Variants in CLSTN2 observed in about 807,000 individuals in gnomAD.
The protein encoded by CLSTN2 is calsyntenin 2.
Under a neutral mutation model 101.2 loss-of-function variants are expected in CLSTN2, and 48 were observed. The ratio of observed to expected loss-of-function variants is 0.47; its 90% CI spans 0.38 to 0.60. CLSTN2 has a LOEUF of 0.60. CLSTN2 is among the 20% of genes least tolerant of loss of function. The probability of loss-of-function intolerance (pLI) is 0.00; values close to 1 mark genes in which losing one functional copy is unlikely to be tolerated. For missense variants in CLSTN2, 1,160 were observed against 1,238.2 expected (o/e 0.94, Z 0.95); for synonymous variants, 481 against 463.6 (o/e 1.04, Z -0.48).
chr3:140,297,263 T>C (rs1576504248), intron 2 of CLSTN2, among the ~76,000 whole-genome samples: 1 of 152,192 alleles, frequency 6.6e-6, no homozygotes, highest in African/African-American at 2.4e-5. Flanking sequence ...TGCACAGATA[T>C]CACACAGCCA....
intron 2 of CLSTN2, among the ~76,000 whole-genome samples, chr3:140,193,260 A>C (rs1215631197): frequency 2.2e-5 from 2 of 89,236 alleles, no homozygotes; most frequent in African/African-American, 9.3e-5. Context: ...CCTTTTTTAT[A>C]GTTTTTTTTT....
intron 1 of CLSTN2, among the ~76,000 whole-genome samples, chr3:139,963,332 TTCTC>T (rs143966161): frequency 1.3e-5 from 2 of 151,736 alleles, no homozygotes; most frequent in East Asian, 1.9e-4. Context: ...TTCAGCTTTT[TTCTC>T]TCTCTCTCTC....
At chr3:140,143,479 G>A (rs1246039107) in intron 1 of CLSTN2, among the ~76,000 whole-genome samples, 4 of 152,178 alleles carry the variant, frequency 2.6e-5, no homozygotes, top group African/African-American at 9.7e-5. Flanking sequence ...ACATTGTTGA[G>A]AGCAGATTTT....
At chr3:139,954,983 T>G (rs1425805787) in intron 1 of CLSTN2, among the ~76,000 whole-genome samples, 2 of 151,520 alleles carry the variant, frequency 1.3e-5, no homozygotes, top group Admixed American at 1.3e-4. Context: ...TCTTTTACTT[T>G]TTTGACAGCC....
chr3:140,341,402 A>G (rs892203374), intron 2 of CLSTN2, among the ~76,000 whole-genome samples: 3 of 152,152 alleles, frequency 2.0e-5, no homozygotes, highest in Admixed American at 6.5e-5. Context: ...CAGAGGGTGT[A>G]TCCGGCAGAG....
intron 1 of CLSTN2, among the ~76,000 whole-genome samples, chr3:140,152,167 A>G (rs1187038113): frequency 6.6e-6 from 1 of 152,202 alleles, no homozygotes; most frequent in Non-Finnish European, 1.5e-5. Flanking sequence ...TCATACACTA[A>G]TAAATTACAA....
intron 8 of CLSTN2, among the ~76,000 whole-genome samples, chr3:140,497,111 A>G (rs565474270): frequency 6.6e-6 from 1 of 152,036 alleles, no homozygotes; most frequent in East Asian, 1.9e-4. Context: ...AAAAAAAAAA[A>G]AAAAAAAGCA....
intron 2 of CLSTN2, among the ~76,000 whole-genome samples, chr3:140,254,724 C>A (rs1306023761): frequency 6.6e-6 from 1 of 152,054 alleles, no homozygotes; most frequent in Non-Finnish European, 1.5e-5. Flanking sequence ...ACTGTACAAA[C>A]CCTAGAAGAA....
At chr3:140,035,873 G>A (rs1026119568) in intron 1 of CLSTN2, among the ~76,000 whole-genome samples, 1 of 152,128 alleles carries the variant, frequency 6.6e-6, no homozygotes, top group Non-Finnish European at 1.5e-5. Flanking sequence ...TTTTGTCCTT[G>A]AAAAGTGCTA....
intron 8 of CLSTN2, among the ~76,000 whole-genome samples, chr3:140,485,799 T>C (rs946800971): frequency 1.3e-5 from 2 of 152,060 alleles, no homozygotes; most frequent in South Asian, 2.1e-4. Flanking sequence ...GCTAAGACCA[T>C]TGGAAAAGCA....
At chr3:140,275,277 G>T (rs200225805) in intron 2 of CLSTN2, among the ~76,000 whole-genome samples, 1 of 147,898 alleles carries the variant, frequency 6.8e-6, no homozygotes, top group Non-Finnish European at 1.5e-5. Flanking sequence ...CTTGGGAGGA[G>T]TTTTTTTTTT....
intron 1 of CLSTN2, among the ~76,000 whole-genome samples, chr3:140,085,782 G>A (rs1033371054): frequency 6.6e-6 from 1 of 152,166 alleles, no homozygotes; most frequent in Non-Finnish European, 1.5e-5. Flanking sequence ...ACTTGCCTCT[G>A]CAGACTCCTG....
intron 5 of CLSTN2, among the ~76,000 whole-genome samples, chr3:140,440,757 T>C (rs1227241858): frequency 6.6e-6 from 1 of 152,342 alleles, no homozygotes; most frequent in African/African-American, 2.4e-5. Flanking sequence ...CTCTGTGGAC[T>C]CCTTTGGGGC....
At chr3:140,320,997 T>C (rs1453056545) in intron 2 of CLSTN2, among the ~76,000 whole-genome samples, 1 of 152,168 alleles carries the variant, frequency 6.6e-6, no homozygotes, top group Non-Finnish European at 1.5e-5. Context: ...CACCCAGTGG[T>C]ACCATACAAA....
chr3:140,176,059 C>G lies in CLSTN2; in HGVS notation c.218C>G (p.Pro73Arg), dbSNP rs749946898. ...CTGGTAGCCCTGGATAAAGATGCAC[C>G]GGTTCCTTTTGCAGGTGAGATTATG... ...PPLVALDKDA[P>R]VPFAGEICAF... Residue 73 changes from proline (P) to arginine (R), a missense_variant, in exon 2 of 17, where the codon CCG becomes CGG. By Grantham distance (103) the Pro-to-Arg change is moderately radical. Coordinates refer to ENST00000458420, the MANE Select transcript of CLSTN2 (RefSeq NM_022131.3). 3.1e-6 allele frequency: 5 copies of G among 1,613,714 alleles called. No individual in the cohort carries two copies. Among genetic ancestry groups the G allele is most frequent in the Non-Finnish European group, 4.2e-6 (5 of 1,179,826 alleles).
intron 1 of CLSTN2, among the ~76,000 whole-genome samples, chr3:139,978,572 A>T (rs865832725): frequency 6.6e-6 from 1 of 151,960 alleles, no homozygotes. Context: ...TATAGTCATC[A>T]TTGTGTAAAC....
chr3:140,095,007 T>C (rs752872890), intron 1 of CLSTN2, among the ~76,000 whole-genome samples: 3 of 152,190 alleles, frequency 2.0e-5, no homozygotes, highest in Non-Finnish European at 4.4e-5. Flanking sequence ...CCAAGACTGA[T>C]TATAGAACTT....
chr3:140,466,705 G>C lies in CLSTN2; in HGVS notation c.1318G>C (p.Ala440Pro). ...CGACCAGGCTGACACCTTTCGCCCC[G>C]CGGAGTTCCACTGGAAGCTGGATCA... ...DFDQADTFRP[A>P]EFHWKLDQIC... Residue 440 changes from alanine to proline, a missense_variant, in exon 8 of 17, where the codon GCG (alanine) becomes CCG (proline). Physicochemically the swap from Ala to Pro is conservative, Grantham distance 27. Transcript: ENST00000458420. The C allele has an allele frequency of 6.2e-7, 1 of 1,614,044 alleles. No individual in the cohort carries two copies. The highest frequency in any genetic ancestry group is 8.5e-7 in the Non-Finnish European group (1 of 1,179,994).
chr3:140,522,648 T>C (rs1935055410), intron 8 of CLSTN2, among the ~76,000 whole-genome samples: 1 of 152,234 alleles, frequency 6.6e-6, no homozygotes, highest in Non-Finnish European at 1.5e-5. Flanking sequence ...CAACCTCACC[T>C]CCAGCCACAC....
Sources: gnomAD v4.1 joint callset for allele counts (sites outside exome capture counted in the v4.1 genomes callset) on GRCh38, gnomAD v4.1.1 for gene constraint, MANE v1.5 for transcripts, NCBI Gene and HGNC (gene_info 2026-07-23, HGNC 2026-07-21) for gene names.